MIA3: variants seen among roughly 807,000 people sequenced by gnomAD.
MIA3 encodes MIA SH3 domain ER export factor 3, also known as transport and Golgi organization protein 1 homolog.
Under a neutral mutation model 192.4 loss-of-function variants are expected in MIA3, and 90 were observed. That is an observed-to-expected ratio of 0.47 (90% CI 0.39 to 0.56). MIA3 has a LOEUF of 0.56. Among genes scored for constraint, MIA3 ranks in the 20% least tolerant of loss-of-function variants. The pLI is 0.00. For missense variants in MIA3, 2,123 were observed against 2,269.4 expected (o/e 0.94, Z 1.31); for synonymous variants, 740 against 792.8 (o/e 0.93, Z 1.12).
At chr1:222,641,221 C>G (rs1297983844) in intron 6 of MIA3, among the ~76,000 whole-genome samples, 1 of 152,196 alleles carries the variant, frequency 6.6e-6, no homozygotes, top group East Asian at 1.9e-4. Context: ...AAACATTTAC[C>G]TGAGACACAT....
rs778084065 is a variant in MIA3, at chr1:222,652,998, A to C, written c.4087-10A>C. ...CTAACCTGTGGGAATCATGTGTTTTAACTTTGCAGTTGCAGCAGGAAATCG... is the reference window on the plus strand; with the variant it reads ...CTAACCTGTGGGAATCATGTGTTTTCACTTTGCAGTTGCAGCAGGAAATCG... On this transcript the variant is annotated splice_polypyrimidine_tract_variant and intron_variant, in intron 13 of 27. Transcript: ENST00000344922. 1 of 1,608,002 alleles carries C rather than the reference A, an allele frequency of 6.2e-7. No individual in the cohort carries two copies. The highest frequency in any genetic ancestry group is 1.3e-5 in the African/African-American group (1 of 74,828).
At chr1:222,651,800 C>T (rs181240811) in intron 11 of MIA3, among the ~76,000 whole-genome samples, 177 bp from the exon 12 acceptor site, 6 of 152,236 alleles carry the variant, frequency 3.9e-5, no homozygotes, top group Non-Finnish European at 7.4e-5. Context: ...ATTATTTTCC[C>T]TTACCTCTTT....
rs569500030 is a variant in MIA3 at position 222,666,387 on chromosome 1, G to A, written c.*768G>A. The A allele has an allele frequency of 6.6e-6, 1 of 152,296 alleles. No homozygotes were observed. Among genetic ancestry groups the A allele is most frequent in the East Asian group, 1.9e-4 (1 of 5,186 alleles). The allele number at this position is 152,296 out of a possible 1,614,324, so 9.4% of individuals were successfully genotyped here. A position where few individuals can be genotyped will look rare whatever the true frequency, so the allele number is the denominator to read the frequency against. ...TCTATTTGAGAATGGTTTTCTGAGA[G>A]TGAGTTTACATTAGTAGCAAGAGTT... On this transcript the variant is annotated 3_prime_UTR_variant, in exon 28 of 28. Coordinates refer to ENST00000344922, the MANE Select transcript of MIA3 (RefSeq NM_198551.4).
intron 25 of MIA3, 63 bp downstream of exon 25, chr1:222,662,187 T>G: frequency 6.3e-7 from 1 of 1,595,876 alleles, no homozygotes; most frequent in Non-Finnish European, 8.6e-7. Flanking sequence ...AGGATTTTTT[T>G]TTTAATCCTC....
intron 4 of MIA3, 40 bp downstream of exon 4, chr1:222,630,429 CAGGT>C (rs2124849085): frequency 1.9e-6 from 3 of 1,539,946 alleles, no homozygotes; most frequent in Non-Finnish European, 2.6e-6. Flanking sequence ...GCTGGAGAAG[CAGGT>C]GGGTGGGTCG....
intron 2 of MIA3, among the ~76,000 whole-genome samples, chr1:222,623,358 G>A (rs1353011929): frequency 6.6e-6 from 1 of 151,538 alleles, no homozygotes; most frequent in Non-Finnish European, 1.5e-5. Context: ...GAAGGTAAAT[G>A]TATTGTATTT....
Position 222,666,609 on chromosome 1 carries a change from G to A in MIA3, c.*990G>A, listed in dbSNP as rs1664299971. ...AATAAAAAGATTGGAAGAGTATAAT[G>A]CCATGAGAAAGAATGATTTAGGACT... is the stretch of plus-strand genomic sequence containing the variant. On this transcript the variant is annotated 3_prime_UTR_variant, in exon 28 of 28. Coordinates refer to ENST00000344922, the MANE Select transcript of MIA3 (RefSeq NM_198551.4). The A allele has an allele frequency of 7.2e-6, 1 of 139,498 alleles. No homozygotes were observed. Among genetic ancestry groups the A allele is most frequent in the Non-Finnish European group, 1.5e-5 (1 of 66,528 alleles). The allele number at this position is 139,498 out of a possible 1,614,324, so 8.6% of individuals were successfully genotyped here.
At chr1:222,635,648 T>C (rs1662591123) in intron 6 of MIA3, among the ~76,000 whole-genome samples, 1 of 152,156 alleles carries the variant, frequency 6.6e-6, no homozygotes, top group South Asian at 2.1e-4. Flanking sequence ...ATATAGATAA[T>C]TGTTTCATAG....
In MIA3 at chr1:222,661,962, T is replaced by C. The variant is rs1273172046; in HGVS notation, c.5114-94T>C. 7 of 928,086 alleles carry C rather than the reference T, an allele frequency of 7.5e-6. No individual in the cohort carries two copies. The South Asian group carries it at 9.5e-5, about 13-fold the overall frequency. 57.5% of individuals were successfully genotyped at this position (928,086 alleles called of 1,614,324 possible). A position where few individuals can be genotyped will look rare whatever the true frequency, so the allele number is the denominator to read the frequency against. On this transcript the variant is annotated intron_variant, in intron 24 of 27. Transcript: ENST00000344922. ...AATATTGGGAGACCCATTTTTAATG[T>C]TGCTTTCCAGATAAGACTTGAACCC...
chr1:222,642,677 TGA>T (rs899057493), intron 6 of MIA3, among the ~76,000 whole-genome samples: 1 of 152,210 alleles, frequency 6.6e-6, no homozygotes, highest in Non-Finnish European at 1.5e-5. Flanking sequence ...CAGCATAGCA[TGA>T]GAGTGCCTGC....
intron 1 of MIA3, among the ~76,000 whole-genome samples, chr1:222,619,507 G>C (rs572541448): frequency 2.0e-5 from 3 of 152,328 alleles, no homozygotes; most frequent in African/African-American, 7.2e-5. Flanking sequence ...GCCATTCCTA[G>C]AGATAACCCT....
At chr1:222,663,932 C>T (rs1490632449) in intron 26 of MIA3, 66 bp from the exon 27 acceptor site, 7 of 1,444,214 alleles carry the variant, frequency 4.8e-6, no homozygotes, top group Middle Eastern at 1.9e-4. Context: ...TTAGTTTTTA[C>T]TGGTGTTGGT....
rs570612707 is a variant in MIA3, at chr1:222,628,274, A to G, written c.1054A>G (p.Thr352Ala). The change falls in exon 4 of 28, where the codon ACA becomes GCA. Residue 352 changes from threonine to alanine, a missense_variant. Physicochemically the swap from Thr to Ala is moderately conservative, Grantham distance 58. Coordinates refer to ENST00000344922, the MANE Select transcript of MIA3 (RefSeq NM_198551.4). ...PAKSGVEKYPTDKEQNSNEED... is the reference protein window; with the variant it reads ...PAKSGVEKYPADKEQNSNEED... ...AAAGTCTGGCGTTGAGAAATATCCA[A>G]CAGATAAAGAGCAGAATTCAAATGA... 2.9e-5 allele frequency: 46 copies of G among 1,613,984 alleles called. No homozygotes were observed. The South Asian group carries it at 4.8e-4, about 17-fold the overall frequency.
chr1:222,627,304 A>G (rs1285697003), intron 3 of MIA3, among the ~76,000 whole-genome samples: 1 of 152,142 alleles, frequency 6.6e-6, no homozygotes, highest in East Asian at 1.9e-4. Context: ...AGAAAACAGG[A>G]TTGGGACTGA....
chr1:222,637,390 T>A lies in MIA3; in HGVS notation c.3477+4141T>A, dbSNP rs545914751. Among the ~76,000 whole-genome samples, 6 of 152,342 alleles carry A rather than the reference T, an allele frequency of 3.9e-5. No individual in the cohort carries two copies. The East Asian group carries it at 5.8e-4, about 15-fold the overall frequency. On this transcript the variant is annotated intron_variant, in intron 6 of 27. Transcript: ENST00000344922. ...TAACATCTGGGTGTCCCTCTTTTTTTAAAATTCTCTTTATATTGTTCCTCC... is the reference window on the plus strand; with the variant it reads ...TAACATCTGGGTGTCCCTCTTTTTTAAAAATTCTCTTTATATTGTTCCTCC...
Position 222,650,317 on chromosome 1 carries a change from G to A in MIA3, c.3657G>A (p.Lys1219=). Residue 1219 remains lysine (K), a synonymous_variant, in exon 9 of 28, where the codon AAG becomes AAA. Transcript: ENST00000344922. The part of the protein sequence containing the change: ...YQVTEQQISE[K]LKTIMKENTE... Reference sequence around the variant, plus strand: ...TCACGGAACAGCAAATTTCTGAGAAGTTGAAGACTATCATGAAAGAAAATA... The same window carrying A: ...TCACGGAACAGCAAATTTCTGAGAAATTGAAGACTATCATGAAAGAAAATA... 2 of 1,606,186 alleles carry A rather than the reference G, an allele frequency of 1.2e-6. No homozygotes were observed. The highest frequency in any genetic ancestry group is 8.5e-7 in the Non-Finnish European group (1 of 1,174,306).
At position 222,665,363 on chromosome 1, in the gene MIA3, C is replaced by G; in HGVS notation, c.5468C>G (p.Pro1823Arg). The change falls in exon 28 of 28, where the codon CCA (proline) becomes CGA (arginine). Residue 1823 changes from proline to arginine, a missense_variant. By Grantham distance (103) the Pro-to-Arg change is moderately radical (BLOSUM62 -2). Coordinates refer to ENST00000344922, the MANE Select transcript of MIA3 (RefSeq NM_198551.4). ...AGAGAATTTGCACCAGGCGTTCCACCAGGAAGACGGGACCTGCCTCTCCAC... is the reference window on the plus strand; with the variant it reads ...AGAGAATTTGCACCAGGCGTTCCACGAGGAAGACGGGACCTGCCTCTCCAC... ...GLREFAPGVP[P>R]GRRDLPLHPR... 2 of 1,613,906 alleles carry G rather than the reference C, an allele frequency of 1.2e-6. No homozygotes were observed. The highest frequency in any genetic ancestry group is 1.7e-4 in the Middle Eastern group (1 of 6,060).
chr1:222,645,379 A>G (rs1329993129), intron 6 of MIA3, among the ~76,000 whole-genome samples, 175 bp from the exon 7 acceptor site: 1 of 152,228 alleles, frequency 6.6e-6, no homozygotes, highest in African/African-American at 2.4e-5. Context: ...AACAATAAGT[A>G]TGAGACTCCC....
intron 18 of MIA3, among the ~76,000 whole-genome samples, chr1:222,657,628 T>C (rs904564508): frequency 1.3e-5 from 2 of 152,198 alleles, no homozygotes; most frequent in Non-Finnish European, 2.9e-5. Flanking sequence ...GAATCCTTCT[T>C]CAAGACTTGT....
Sources: gnomAD v4.1 joint callset for allele counts (sites outside exome capture counted in the v4.1 genomes callset) on GRCh38, gnomAD v4.1.1 for gene constraint, MANE v1.5 for transcripts, NCBI Gene and HGNC (gene_info 2026-07-23, HGNC 2026-07-21) for gene names.